Variants in CCDC73 observed in about 807,000 individuals in gnomAD.
The protein encoded by CCDC73 is coiled-coil domain-containing protein 73.
A neutral mutation model predicts 116.5 loss-of-function variants in CCDC73; 95 were observed. The ratio of observed to expected loss-of-function variants is 0.82; its 90% confidence interval spans 0.69 to 0.97. The LOEUF is 0.97. Ranked by LOEUF, CCDC73 falls within the 50% of genes least tolerant of loss-of-function variation. CCDC73 has a pLI of 0.00. For synonymous variants in CCDC73, 398 were observed against 401.3 expected (o/e 0.99, Z 0.10); for missense variants, 1,066 against 1,206.8 (o/e 0.88, Z 1.73).
chr11:32,708,262 T>C lies in CCDC73; in HGVS notation c.208-5318A>G, dbSNP rs932148951. 9.2e-5 allele frequency among the ~76,000 whole-genome samples: 14 copies of C among 152,344 alleles called. No homozygotes were observed. In the South Asian group the frequency reaches 2.9e-3, roughly 32 times the overall value. ...TTCTCTATTCTGTTCCATTGATCTA[T>C]GTGCCTATTTTTATACCAGTATCAT... is the stretch of plus-strand genomic sequence containing the variant. On this transcript the variant is annotated intron_variant, in intron 3 of 17. Coordinates refer to ENST00000335185, the MANE Select transcript of CCDC73 (RefSeq NM_001008391.4).
chr11:32,786,093 T>C (rs1850624115), intron 1 of CCDC73, among the ~76,000 whole-genome samples: 1 of 151,958 alleles, frequency 6.6e-6, no homozygotes, highest in Non-Finnish European at 1.5e-5. Context: ...TTTTAACAGA[T>C]CAAAATATTC....
At chr11:32,751,263 G>C (rs1318734160) in intron 2 of CCDC73, among the ~76,000 whole-genome samples, 1 of 152,162 alleles carries the variant, frequency 6.6e-6, no homozygotes, top group Non-Finnish European at 1.5e-5. Context: ...GCTGTACACT[G>C]CACTGCCTGG....
intron 14 of CCDC73, among the ~76,000 whole-genome samples, chr11:32,619,172 G>T (rs1278725191): frequency 6.6e-6 from 1 of 152,044 alleles, no homozygotes; most frequent in Non-Finnish European, 1.5e-5. Context: ...TAGTTTAATT[G>T]TGCTCGACTT....
intron 9 of CCDC73, among the ~76,000 whole-genome samples, chr11:32,661,623 A>C (rs912094359): frequency 6.6e-6 from 1 of 152,012 alleles, no homozygotes; most frequent in African/African-American, 2.4e-5. Context: ...TACAAAGGAC[A>C]TGAACTCATC....
At chr11:32,620,832 A>G (rs1386480916) in intron 14 of CCDC73, among the ~76,000 whole-genome samples, 3 of 152,080 alleles carry the variant, frequency 2.0e-5, no homozygotes, top group Admixed American at 6.6e-5. Context: ...AAAATGCCAT[A>G]AAGACAAAAT....
chr11:32,695,323 C>T (rs527326367), intron 6 of CCDC73, among the ~76,000 whole-genome samples: 4 of 150,860 alleles, frequency 2.7e-5, no homozygotes, highest in Non-Finnish European at 5.9e-5. Flanking sequence ...GAGCCGAGAT[C>T]GCGCCACTGC....
At chr11:32,683,329 C>T (rs1169926609) in intron 7 of CCDC73, 1 of 543,696 alleles carries the variant, frequency 1.8e-6, no homozygotes, top group East Asian at 3.3e-5. Flanking sequence ...TGTATAAGTA[C>T]TATGTAATCT....
chr11:32,665,784 C>T lies in CCDC73; in HGVS notation c.645+9781G>A, dbSNP rs142686899. ...GTCTCTACATTTTGGCATGTTTTTG[C>T]GGTGGCTGGTACTGGTTGTTCCTTC... On this transcript the variant is annotated intron_variant, in intron 9 of 17. Transcript: ENST00000335185. Among the ~76,000 whole-genome samples the T allele has an allele frequency of 4.3e-3, 650 of 152,236 alleles. 7 individuals are homozygous for T. Among genetic ancestry groups the T allele is most frequent in the African/African-American group, 0.015 (619 of 41,534 alleles).
chr11:32,738,540 T>C (rs1488028512), intron 2 of CCDC73, among the ~76,000 whole-genome samples: 1 of 152,198 alleles, frequency 6.6e-6, no homozygotes, highest in Admixed American at 6.5e-5. Context: ...CATTTTTAAA[T>C]TGGATTGTTA....
chr11:32,774,568 T>G (rs1413772393), intron 1 of CCDC73, among the ~76,000 whole-genome samples: 2 of 151,966 alleles, frequency 1.3e-5, no homozygotes, highest in African/African-American at 4.8e-5. Flanking sequence ...AAAGAATACA[T>G]GATGGCATTT....
intron 12 of CCDC73, 150 bp from the exon 13 acceptor site, chr11:32,642,232 T>C: frequency 2.0e-6 from 2 of 989,960 alleles, no homozygotes; most frequent in Non-Finnish European, 2.6e-6. Flanking sequence ...TTTTCATAAA[T>C]TAATGGAAAG....
chr11:32,809,655 A>T, the CCDC73 span, among the ~76,000 whole-genome samples: 1 of 152,162 alleles, frequency 6.6e-6, no homozygotes, highest in African/African-American at 2.4e-5. Flanking sequence ...CACAACAGAG[A>T]ATTGCCCCTA....
chr11:32,759,320 T>C (rs1025457271), intron 2 of CCDC73, among the ~76,000 whole-genome samples: 7 of 142,588 alleles, frequency 4.9e-5, no homozygotes, highest in African/African-American at 1.9e-4. Flanking sequence ...GAAACCAACA[T>C]TTTTTCCTTT....
chr11:32,731,074 C>G (rs2200524), intron 2 of CCDC73, among the ~76,000 whole-genome samples: 41,154 of 152,138 alleles, frequency 0.27, 6,447 homozygotes, highest in East Asian at 0.79. Flanking sequence ...CACTCCCACC[C>G]TAATACTGCA....
At chr11:32,820,376 G>A in the CCDC73 span, among the ~76,000 whole-genome samples, 2 of 151,924 alleles carry the variant, frequency 1.3e-5, no homozygotes, top group African/African-American at 2.4e-5. Context: ...GGTTGGTCTC[G>A]AACTCCTGGT....
chr11:32,728,520 T>C (rs887683748), intron 2 of CCDC73, among the ~76,000 whole-genome samples: 1 of 152,078 alleles, frequency 6.6e-6, no homozygotes, highest in Non-Finnish European at 1.5e-5. Flanking sequence ...CCTGGTTCCT[T>C]TTACTAGATA....
intron 12 of CCDC73, among the ~76,000 whole-genome samples, chr11:32,648,128 T>G (rs1855794675): frequency 6.6e-6 from 1 of 152,220 alleles, no homozygotes; most frequent in African/African-American, 2.4e-5. Context: ...CAATGGCTTC[T>G]TATATAGATT....
intron 3 of CCDC73, among the ~76,000 whole-genome samples, chr11:32,705,651 A>T (rs1849849904): frequency 6.6e-6 from 1 of 152,154 alleles, no homozygotes; most frequent in Admixed American, 6.5e-5. Flanking sequence ...AGCGGGTGCG[A>T]GCAAAACTCA....
At chr11:32,687,220 G>A (rs1856210076) in intron 6 of CCDC73, among the ~76,000 whole-genome samples, 2 of 152,202 alleles carry the variant, frequency 1.3e-5, no homozygotes, top group Non-Finnish European at 2.9e-5. Flanking sequence ...GAAGTGGTGA[G>A]GGGGTTGTGT....
Sources: gnomAD v4.1 joint callset for allele counts (sites outside exome capture counted in the v4.1 genomes callset) on GRCh38, gnomAD v4.1.1 for gene constraint, MANE v1.5 for transcripts, NCBI Gene and HGNC (gene_info 2026-07-23, HGNC 2026-07-21) for gene names.